The following SYS1 variants were observed in gnomAD, a reference collection of about 807,000 sequenced individuals.
SYS1 encodes SYS1 golgi trafficking protein, also known as protein SYS1 homolog.
In SYS1, 8 loss-of-function variants were observed where a neutral mutation model predicts 17.8. The observed-to-expected ratio is 0.45, with a 90% CI of 0.26 to 0.81. The LOEUF (loss-of-function observed/expected upper bound fraction) is 0.81. Among genes scored for constraint, SYS1 ranks in the 40% least tolerant of loss-of-function variants. The pLI, the probability that SYS1 is intolerant of heterozygous loss-of-function variation, is 0.16. For synonymous variants in SYS1, 95 were observed against 90.9 expected (o/e 1.05, Z -0.26); for missense variants, 161 against 203.9 (o/e 0.79, Z 1.28).
At position 45,367,439 on chromosome 20, in the gene SYS1, A is replaced by T; in HGVS notation, c.*324A>T. On this transcript the variant is annotated 3_prime_UTR_variant, in exon 4 of 4. Coordinates refer to ENST00000243918, the MANE Select transcript of SYS1 (RefSeq NM_033542.4). ...AGCCTGTTGTTTTAAGAGAGAAAAA[A>T]AATCAAGGATATCTGATTGGAGCAA... 8.7e-7 allele frequency: 1 copy of T among 1,149,370 alleles called. No individual in the cohort carries two copies. Among genetic ancestry groups the T allele is most frequent in the South Asian group, 2.3e-5 (1 of 42,912 alleles). 71.2% of individuals were successfully genotyped at this position (1,149,370 alleles called of 1,614,324 possible).
chr20:45,375,481 T>C (rs1165677332), exon 4 of SYS1: 2 of 1,613,432 alleles, frequency 1.2e-6, no homozygotes, highest in Non-Finnish European at 8.5e-7. Flanking sequence ...GGACTTGAGT[T>C]CCTTCTCGGA....
intron 2 of SYS1, 53 bp downstream of exon 2, chr20:45,363,746 T>TGTG (rs1408014216): frequency 6.6e-7 from 1 of 1,526,692 alleles, no homozygotes; most frequent in Non-Finnish European, 8.8e-7. Flanking sequence ...GAGTAGGCTT[T>TGTG]GTGGTCCATC....
chr20:45,374,519 GCCT>G (rs1988661971), exon 4 of SYS1: 1 of 529,386 alleles, frequency 1.9e-6, no homozygotes, highest in Admixed American at 3.6e-5. Context: ...CAGTCTTCCT[GCCT>G]CGACCTCCCA....
chr20:45,368,861 CCG>C lies in SYS1; in HGVS notation c.*1747_*1748del. ...TGTGGCTGCTGTCACCCTTGACCAG[CCG>C]TGGTGGTGGTTACTCCATCTGTGGT... is the stretch of plus-strand genomic sequence containing the variant. On this transcript the variant is annotated 3_prime_UTR_variant, in exon 4 of 4. Transcript: ENST00000243918. 4.1e-6 allele frequency: 4 copies of C among 985,372 alleles called. No homozygotes were observed. The highest frequency in any genetic ancestry group is 4.8e-6 in the Non-Finnish European group (4 of 829,890). The allele number at this position is 985,372 out of a possible 1,614,324, so 61.0% of individuals were successfully genotyped here.
At chr20:45,369,900 T>C (rs534430741), downstream of SYS1, among the ~76,000 whole-genome samples, 36 of 151,200 alleles carry the variant, frequency 2.4e-4, no homozygotes, top group African/African-American at 8.3e-4. Flanking sequence ...ATTTTACAGG[T>C]GTGAGCCACC....
intron 2 of SYS1, 35 bp downstream of exon 2, chr20:45,363,728 G>T (rs1297490639): frequency 3.2e-6 from 5 of 1,540,916 alleles, no homozygotes; most frequent in Non-Finnish European, 4.4e-6. Context: ...TGGGGTCTCG[G>T]CCTCCCCGAG....
At chr20:45,375,991 A>G (rs760642) in exon 4 of SYS1, 97,370 of 158,248 alleles carry the variant, frequency 0.62, 30,570 homozygotes, top group Middle Eastern at 0.69. Context: ...GGGGCTTGGA[A>G]ATAGATATTT....
chr20:45,365,516 C>G (rs1422101556), intron 2 of SYS1, 103 bp from the exon 3 acceptor site: 1 of 1,114,548 alleles, frequency 9.0e-7, no homozygotes, highest in Admixed American at 1.7e-5. Flanking sequence ...GTATTATCTT[C>G]TGTGCTCTGG....
In SYS1 at chr20:45,367,095, G is replaced by A; in HGVS notation, c.451G>A (p.Ala151Thr). 6.2e-7 allele frequency: 1 copy of A among 1,614,170 alleles called. No individual in the cohort carries two copies. The highest frequency in any genetic ancestry group is 8.5e-7 in the Non-Finnish European group (1 of 1,180,038). ...GCTCAAGGAGATACCCCTCAACTCAGCCCCTAAATCCAATGTCTAGAATCA... is the reference window on the plus strand; with the variant it reads ...GCTCAAGGAGATACCCCTCAACTCAACCCCTAAATCCAATGTCTAGAATCA... ...TELKEIPLNS[A>T]PKSNV The change falls in exon 4 of 4, where the codon GCC (alanine) becomes ACC (threonine). Residue 151 changes from alanine (A) to threonine (T), a missense_variant. Coordinates refer to ENST00000243918, the MANE Select transcript of SYS1 (RefSeq NM_033542.4).
chr20:45,374,399 G>C, exon 4 of SYS1: 1 of 613,198 alleles, frequency 1.6e-6, no homozygotes, highest in African/African-American at 1.9e-5. Flanking sequence ...AGCCTCCTGA[G>C]TAGCTGATAC....
Position 45,367,235 on chromosome 20 carries a change from T to C in SYS1, c.*120T>C. The stretch of plus-strand genomic sequence containing the variant: ...GAACCCTGGAAATGTGAAGTCTCTG[T>C]TGGTTTGGGAGAGATAGTGAGGGCC... On this transcript the variant is annotated 3_prime_UTR_variant, in exon 4 of 4. Transcript: ENST00000243918. The C allele has an allele frequency of 2.0e-6, 3 of 1,520,052 alleles. No individual in the cohort carries two copies. Among genetic ancestry groups the C allele is most frequent in the Non-Finnish European group, 1.8e-6 (2 of 1,135,344 alleles). 94.2% of individuals were successfully genotyped at this position (1,520,052 alleles called of 1,614,324 possible).
chr20:45,361,986 G>A, upstream of SYS1: 1 of 985,274 alleles, frequency 1.0e-6, no homozygotes, highest in Non-Finnish European at 1.2e-6. Flanking sequence ...GGGAACCTAG[G>A]ATCAATGAAG....
At position 45,365,681 on chromosome 20, in the gene SYS1, C is replaced by T; in HGVS notation, c.225C>T (p.Leu75=). The part of the protein sequence containing the change: ...LSMMSFILNA[L]TCALGLLYFI... ...TGATGTCCTTCATCCTCAACGCCCT[C>T]ACCTGGTGAGTATCACCAGTTTTGC... The change falls in exon 3 of 4, where the codon CTC becomes CTT. Residue 75 remains leucine, a synonymous_variant. Transcript: ENST00000243918. The T allele has an allele frequency of 2.5e-6, 4 of 1,614,156 alleles. No homozygotes were observed. Among genetic ancestry groups the T allele is most frequent in the Non-Finnish European group, 3.4e-6 (4 of 1,180,002 alleles).
At chr20:45,369,423 A>G (rs1011904162), downstream of SYS1, among the ~76,000 whole-genome samples, 3 of 152,092 alleles carry the variant, frequency 2.0e-5, no homozygotes, top group African/African-American at 7.2e-5. Context: ...GTAGTTAGGG[A>G]TGTATAAGTT....
chr20:45,362,940 C>T, upstream of SYS1: 1 of 194,592 alleles, frequency 5.1e-6, no homozygotes, highest in Non-Finnish European at 9.4e-6. Context: ...CTCCCCTAGC[C>T]GCCTTCCTTT....
At chr20:45,374,786 G>A (rs1344108531) in exon 4 of SYS1, 1 of 524,518 alleles carries the variant, frequency 1.9e-6, no homozygotes, top group Non-Finnish European at 3.3e-6. Flanking sequence ...GCAGTGAGAT[G>A]GCTCACTTCA....
chr20:45,362,220 C>T (rs1411519711), upstream of SYS1, among the ~76,000 whole-genome samples: 1 of 152,230 alleles, frequency 6.6e-6, no homozygotes, highest in East Asian at 1.9e-4. Flanking sequence ...AAAACACCCA[C>T]TACTCTGCCT....
At chr20:45,369,514 G>A (rs1988512668), downstream of SYS1, among the ~76,000 whole-genome samples, 1 of 151,672 alleles carries the variant, frequency 6.6e-6, no homozygotes, top group Non-Finnish European at 1.5e-5. Context: ...TTTAAATACC[G>A]AGGATGAATA....
chr20:45,370,537 A>C (rs1469796206), downstream of SYS1, among the ~76,000 whole-genome samples: 1 of 152,122 alleles, frequency 6.6e-6, no homozygotes, highest in Non-Finnish European at 1.5e-5. Context: ...AGCCCTGTCC[A>C]TATCAGTGCC....
Sources: gnomAD v4.1 joint callset for allele counts (sites outside exome capture counted in the v4.1 genomes callset) on GRCh38, gnomAD v4.1.1 for gene constraint, MANE v1.5 for transcripts, NCBI Gene and HGNC (gene_info 2026-07-23, HGNC 2026-07-21) for gene names.